The following ZFYVE9 variants were observed in gnomAD, a reference collection of about 807,000 sequenced individuals.
The protein encoded by ZFYVE9 is zinc finger FYVE-type containing 9, also known as zinc finger FYVE domain-containing protein 9.
ZFYVE9 carries 43 observed loss-of-function variants against 126.7 expected under a neutral mutation model. That is an observed-to-expected ratio of 0.34 (90% confidence interval 0.27 to 0.44). The LOEUF (loss-of-function observed/expected upper bound fraction) is 0.44, where lower values mean the gene tolerates loss of function less well. ZFYVE9 is among the 20% of genes least tolerant of loss of function. ZFYVE9 has a pLI of 1.00. For missense variants in ZFYVE9, 1,476 were observed against 1,697.0 expected (o/e 0.87, Z 2.29); for synonymous variants, 521 against 597.4 (o/e 0.87, Z 1.87).
At chr1:52,213,097 C>T (rs1645042346) in intron 1 of ZFYVE9, among the ~76,000 whole-genome samples, 1 of 152,150 alleles carries the variant, frequency 6.6e-6, no homozygotes, top group Non-Finnish European at 1.5e-5. Context: ...CTGTAATGCT[C>T]ATTCTGGGTA....
chr1:52,226,883 C>T (rs1224810112), intron 2 of ZFYVE9, among the ~76,000 whole-genome samples: 1 of 152,184 alleles, frequency 6.6e-6, no homozygotes, highest in Non-Finnish European at 1.5e-5. Context: ...CCAAAGGAGG[C>T]AACAGATGTG....
intron 1 of ZFYVE9, among the ~76,000 whole-genome samples, chr1:52,197,939 A>G (rs1241301206): frequency 1.3e-5 from 2 of 152,124 alleles, no homozygotes; most frequent in African/African-American, 2.4e-5. Flanking sequence ...GAACTATTTC[A>G]TATCAGATAG....
At chr1:52,244,162 T>C (rs1645361652) in intron 4 of ZFYVE9, among the ~76,000 whole-genome samples, 1 of 152,034 alleles carries the variant, frequency 6.6e-6, no homozygotes, top group African/African-American at 2.4e-5. Flanking sequence ...GAAAGTGGAA[T>C]ATGAAGGGAG....
At chr1:52,180,549 G>T in intron 1 of ZFYVE9, 1 of 668,738 alleles carries the variant, frequency 1.5e-6, no homozygotes, top group South Asian at 1.7e-5. Flanking sequence ...TTCTGAGGGT[G>T]ACTGAGGCTG....
At chr1:52,230,015 T>C (rs1645203469) in intron 2 of ZFYVE9, among the ~76,000 whole-genome samples, 1 of 152,000 alleles carries the variant, frequency 6.6e-6, no homozygotes. Context: ...CTACAGGCGC[T>C]TGCCACCACG....
intron 2 of ZFYVE9, among the ~76,000 whole-genome samples, chr1:52,217,291 T>G (rs1025808045): frequency 6.6e-6 from 1 of 152,116 alleles, no homozygotes; most frequent in Non-Finnish European, 1.5e-5. Flanking sequence ...AATGTGAGAT[T>G]TGTGAAGGGG....
intron 1 of ZFYVE9, among the ~76,000 whole-genome samples, chr1:52,152,220 C>T (rs564209913): frequency 1.3e-5 from 2 of 152,078 alleles, no homozygotes; most frequent in Admixed American, 6.5e-5. Context: ...GAACTCCTGA[C>T]CTCAGATGAT....
intron 4 of ZFYVE9, among the ~76,000 whole-genome samples, chr1:52,243,228 A>G (rs1645352732): frequency 6.6e-6 from 1 of 152,312 alleles, no homozygotes. Flanking sequence ...CCCCACCCTC[A>G]TGGTATGTAA....
chr1:52,345,607 CA>C (rs1418053691), intron 18 of ZFYVE9: 2 of 154,998 alleles, frequency 1.3e-5, no homozygotes, highest in African/African-American at 4.8e-5. Context: ...CTCTTGAGGG[CA>C]GGGCCCTGTT....
rs189594976 is a variant in ZFYVE9 at position 52,344,627 on chromosome 1, G to A, written c.3940-141G>A. 3,917 of 815,154 alleles carry A rather than the reference G, an allele frequency of 4.8e-3. 16 individuals carry two copies. Among genetic ancestry groups the A allele is most frequent in the Non-Finnish European group, 6.4e-3 (3,431 of 536,926 alleles). The allele number at this position is 815,154 out of a possible 1,614,324, so 50.5% of individuals were successfully genotyped here. A position where few individuals can be genotyped will look rare whatever the true frequency, so the allele number is the denominator to read the frequency against. ...GAAGACAAATGCCCAACTTTTCCTG[G>A]ACCAGGGACTTTATGGTGTCCTGTT... is the stretch of plus-strand genomic sequence containing the variant. On this transcript the variant is annotated intron_variant, in intron 17 of 18. Coordinates refer to ENST00000287727, the MANE Select transcript of ZFYVE9 (RefSeq NM_004799.4).
intron 1 of ZFYVE9, among the ~76,000 whole-genome samples, chr1:52,151,347 C>G (rs969744770): frequency 3.9e-5 from 6 of 152,094 alleles, no homozygotes; most frequent in Non-Finnish European, 7.4e-5. Flanking sequence ...ATGCATTTTA[C>G]AGCTGAGGGA....
At chr1:52,244,544 T>G (rs916880368) in intron 4 of ZFYVE9, among the ~76,000 whole-genome samples, 54 of 152,094 alleles carry the variant, frequency 3.6e-4, no homozygotes, top group African/African-American at 1.2e-3. Context: ...GAAATAGGGA[T>G]AGATGATGAA....
chr1:52,272,431 G>A (rs1029029525), intron 7 of ZFYVE9, among the ~76,000 whole-genome samples: 1 of 152,106 alleles, frequency 6.6e-6, no homozygotes, highest in Non-Finnish European at 1.5e-5. Flanking sequence ...CTACAGATTA[G>A]TTTTGCTTAT....
chr1:52,238,833 TTATC>T lies in ZFYVE9; in HGVS notation c.1423_1426del (p.Ser475MetfsTer27). The T allele has an allele frequency of 6.2e-7, 1 of 1,614,090 alleles. No homozygotes were observed. Among genetic ancestry groups the T allele is most frequent in the Non-Finnish European group, 8.5e-7 (1 of 1,179,986 alleles). On this transcript the variant is annotated frameshift_variant, in exon 4 of 19. Transcript: ENST00000287727. LOFTEE classifies it high-confidence loss of function. The stretch of plus-strand genomic sequence containing the variant: ...CTGTTATAGACACACCAGCAGCAAA[TTATC>T]TATCTAATGGTTGTGATTCCTATGG...
At chr1:52,252,744 C>A in intron 4 of ZFYVE9, 2 of 469,854 alleles carry the variant, frequency 4.3e-6, no homozygotes, top group South Asian at 3.2e-5. Context: ...CAGCAATGGT[C>A]AGTCCGACTG....
Position 52,238,381 on chromosome 1 carries a change from G to C in ZFYVE9, c.964G>C (p.Glu322Gln). 2 of 1,613,918 alleles carry C rather than the reference G, an allele frequency of 1.2e-6. No individual in the cohort carries two copies. Among genetic ancestry groups the C allele is most frequent in the African/African-American group, 2.7e-5 (2 of 75,040 alleles). Reference sequence around the variant, plus strand: ...GAGTGAGGGGATTTTGATGAAAAAAGAGCCAGCAGAGGAGAGCACCACTGA... The same window carrying C: ...GAGTGAGGGGATTTTGATGAAAAAACAGCCAGCAGAGGAGAGCACCACTGA... ...HMSEGILMKKEPAEESTTEES... is the reference protein window; with the variant it reads ...HMSEGILMKKQPAEESTTEES... The change falls in exon 4 of 19, where the codon GAG becomes CAG. Residue 322 changes from glutamate to glutamine, a missense_variant. Physicochemically the swap from Glu to Gln is conservative, Grantham distance 29 (BLOSUM62 2). Coordinates refer to ENST00000287727, the MANE Select transcript of ZFYVE9 (RefSeq NM_004799.4).
chr1:52,205,589 C>A (rs547058615), intron 1 of ZFYVE9, among the ~76,000 whole-genome samples: 2 of 151,246 alleles, frequency 1.3e-5, no homozygotes, highest in African/African-American at 4.9e-5. Context: ...CCCAGACTAG[C>A]CTCAAACTCC....
intron 1 of ZFYVE9, among the ~76,000 whole-genome samples, chr1:52,146,158 G>C (rs1558026704): frequency 6.6e-6 from 1 of 152,078 alleles, no homozygotes; most frequent in African/African-American, 2.4e-5. Flanking sequence ...ATTGTAAGTA[G>C]TCTAGAGATT....
intron 1 of ZFYVE9, among the ~76,000 whole-genome samples, chr1:52,179,626 T>A (rs777667812): frequency 1.3e-5 from 2 of 151,234 alleles, no homozygotes; most frequent in Non-Finnish European, 2.9e-5. Context: ...AGAGCAAGAT[T>A]GTGTCTCAAA....
Sources: allele counts gnomAD v4.1 joint callset (sites outside exome capture counted in the v4.1 genomes callset), GRCh38; gene constraint gnomAD v4.1.1; transcripts MANE v1.5; gene names NCBI Gene and HGNC (gene_info 2026-07-23, HGNC 2026-07-21).